The following TENM4 variants were observed in gnomAD, a reference collection of about 807,000 sequenced individuals.
TENM4 encodes teneurin-4.
A neutral mutation model predicts 243.3 loss-of-function variants in TENM4; 82 were observed. The ratio of observed to expected loss-of-function variants is 0.34; its 90% CI spans 0.28 to 0.40. The LOEUF (loss-of-function observed/expected upper bound fraction) is 0.40, where lower values mean the gene tolerates loss of function less well. Ranked by LOEUF, TENM4 falls within the 10% of genes least tolerant of loss-of-function variation. The pLI, the probability that TENM4 is intolerant of heterozygous loss-of-function variation, is 1.00. For synonymous variants in TENM4, 1,412 were observed against 1,456.3 expected (o/e 0.97, Z 0.69); for missense variants, 3,138 against 3,673.3 (o/e 0.85, Z 3.77).
chr11:78,901,233 A>T (rs556230633), intron 7 of TENM4, among the ~76,000 whole-genome samples: 2 of 152,352 alleles, frequency 1.3e-5, no homozygotes, highest in African/African-American at 2.4e-5. Context: ...AAATGGTGTT[A>T]TGTGAGTATA....
rs59269770 is a variant in TENM4 at position 78,708,969 on chromosome 11, C to CTT, written c.4055-456_4055-455dup. 8.6e-3 allele frequency among the ~76,000 whole-genome samples: 978 copies of CTT among 113,120 alleles called. 17 individuals are homozygous for CTT. Among genetic ancestry groups the CTT allele is most frequent in the African/African-American group, 0.026 (932 of 35,822 alleles). 74.2% of individuals were successfully genotyped at this position (113,120 alleles called of 152,430 possible). A position where few individuals can be genotyped will look rare whatever the true frequency, so the allele number is the denominator to read the frequency against. On this transcript the variant is annotated intron_variant, in intron 26 of 33. Transcript: ENST00000278550. Reference sequence around the variant, plus strand: ...ATTTTTCTTTTCTTTCTTTTTCTTTCTTTTTTTTTTTTTTTAAAAAAAGAG... The same window carrying CTT: ...ATTTTTCTTTTCTTTCTTTTTCTTTCTTTTTTTTTTTTTTTTTAAAAAAAGAG...
intron 2 of TENM4, among the ~76,000 whole-genome samples, chr11:79,243,142 G>A (rs1855453073): frequency 6.6e-6 from 1 of 152,052 alleles, no homozygotes; most frequent in Non-Finnish European, 1.5e-5. Flanking sequence ...CACTGAGGGG[G>A]GCCTTGTGTG....
At chr11:79,106,167 C>T (rs1861360660) in intron 4 of TENM4, among the ~76,000 whole-genome samples, 1 of 152,210 alleles carries the variant, frequency 6.6e-6, no homozygotes, top group Non-Finnish European at 1.5e-5. Context: ...ATTATTTGCT[C>T]CAAGTCACAG....
chr11:78,663,399 G>A (rs1464171486), intron 32 of TENM4, among the ~76,000 whole-genome samples: 1 of 152,182 alleles, frequency 6.6e-6, no homozygotes, highest in African/African-American at 2.4e-5. Flanking sequence ...ACTGTTGGAG[G>A]TGGCCTAATG....
At chr11:78,944,863 T>G (rs1384428475) in intron 6 of TENM4, among the ~76,000 whole-genome samples, 3 of 152,236 alleles carry the variant, frequency 2.0e-5, no homozygotes, top group Non-Finnish European at 4.4e-5. Context: ...CTAATCTGTC[T>G]GGGTCACTCT....
At chr11:79,098,080 A>G (rs903202912) in intron 4 of TENM4, 1 of 152,240 alleles carries the variant, frequency 6.6e-6, no homozygotes, top group African/African-American at 2.4e-5. Context: ...AGAACTAAGT[A>G]TAATCGTAAA....
chr11:78,928,938 C>A (rs1349599195), intron 6 of TENM4, among the ~76,000 whole-genome samples: 2 of 152,198 alleles, frequency 1.3e-5, no homozygotes, highest in African/African-American at 4.8e-5. Flanking sequence ...TTTGTGTCTG[C>A]ATCTTGCAGA....
At chr11:79,137,157 C>A (rs888012641) in intron 4 of TENM4, among the ~76,000 whole-genome samples, 4 of 152,112 alleles carry the variant, frequency 2.6e-5, no homozygotes, top group Admixed American at 6.6e-5. Flanking sequence ...GAGGGAGGAG[C>A]ACTGCTATCA....
chr11:78,902,316 T>C (rs1270668316), intron 7 of TENM4, among the ~76,000 whole-genome samples: 1 of 152,216 alleles, frequency 6.6e-6, no homozygotes, highest in African/African-American at 2.4e-5. Flanking sequence ...TTTAAAATCA[T>C]AAACAAACTT....
At chr11:78,858,871 T>C (rs1203038851) in intron 10 of TENM4, among the ~76,000 whole-genome samples, 1 of 152,200 alleles carries the variant, frequency 6.6e-6, no homozygotes, top group African/African-American at 2.4e-5. Flanking sequence ...GTATTACTAG[T>C]CATATTGGCT....
At position 78,878,700 on chromosome 11, in the gene TENM4, C is replaced by T. The variant is rs959225787; in HGVS notation, c.1084+11085G>A. Among the ~76,000 whole-genome samples, 4 of 152,094 alleles carry T rather than the reference C, an allele frequency of 2.6e-5. No homozygotes were observed. In the East Asian group the frequency reaches 5.8e-4, roughly 22 times the overall value. On this transcript the variant is annotated intron_variant, in intron 9 of 33. Coordinates refer to ENST00000278550, the MANE Select transcript of TENM4 (RefSeq NM_001098816.3). ...GGAAATTGGATACCTGGATGGGAGC[C>T]CTGAAGTTCAGTCCTACCCTTCTGA...
chr11:78,839,729 A>G (rs1434615420), intron 12 of TENM4, among the ~76,000 whole-genome samples: 2 of 152,222 alleles, frequency 1.3e-5, no homozygotes, highest in African/African-American at 4.8e-5. Context: ...ACCAGGAACC[A>G]TAATATTGAC....
chr11:78,886,527 C>T (rs949854397), intron 9 of TENM4, among the ~76,000 whole-genome samples: 1 of 152,212 alleles, frequency 6.6e-6, no homozygotes, highest in African/African-American at 2.4e-5. Context: ...TTGGCTTATA[C>T]CAAGCTCACA....
In TENM4 at chr11:78,732,430, A is replaced by T. The variant is rs199919921; in HGVS notation, c.3024T>A (p.Ile1008=). 3.1e-6 allele frequency: 5 copies of T among 1,613,896 alleles called. No homozygotes were observed. In the East Asian group the frequency reaches 1.1e-4, roughly 36 times the overall value. ...CAAAATTGCTCAGGTCACAGCTGGGAATCTCATTCTCCTCATGTCTCATGA... is the reference window on the plus strand; with the variant it reads ...CAAAATTGCTCAGGTCACAGCTGGGTATCTCATTCTCCTCATGTCTCATGA... ...TIIMRHEENE[I]PSCDLSNFAR... The change falls in exon 21 of 34, where the codon ATT becomes ATA. Residue 1008 remains isoleucine (I), a synonymous_variant. Coordinates refer to ENST00000278550, the MANE Select transcript of TENM4 (RefSeq NM_001098816.3).
chr11:79,382,188 C>T (rs879415378), intron 1 of TENM4, among the ~76,000 whole-genome samples: 2 of 152,144 alleles, frequency 1.3e-5, no homozygotes, highest in Non-Finnish European at 2.9e-5. Flanking sequence ...AAATGTAACT[C>T]GTCTGGCCGG....
At chr11:79,288,356 A>G (rs1173453686) in intron 2 of TENM4, among the ~76,000 whole-genome samples, 1 of 152,220 alleles carries the variant, frequency 6.6e-6, no homozygotes, top group Non-Finnish European at 1.5e-5. Context: ...CTAGCACTCT[A>G]TACTCTGTTC....
intron 23 of TENM4, among the ~76,000 whole-genome samples, chr11:78,724,702 G>A (rs1357894517): frequency 6.6e-6 from 1 of 152,198 alleles, no homozygotes; most frequent in Non-Finnish European, 1.5e-5. Flanking sequence ...TGACTGCCTG[G>A]AACAGACCAC....
rs538851458 is a variant in TENM4, at chr11:79,110,423, G to A, written c.-66+38287C>T. Reference sequence around the variant, plus strand: ...CACCCTGGGGACTCACAGCGCCCTGGGCACTGCAGGTGGACAGCTGCAGCC... The same window carrying A: ...CACCCTGGGGACTCACAGCGCCCTGAGCACTGCAGGTGGACAGCTGCAGCC... On this transcript the variant is annotated intron_variant, in intron 4 of 33. Coordinates refer to ENST00000278550, the MANE Select transcript of TENM4 (RefSeq NM_001098816.3). Among the ~76,000 whole-genome samples, 15 of 152,272 alleles carry A rather than the reference G, an allele frequency of 9.9e-5. No individual in the cohort carries two copies. In the South Asian group the frequency reaches 3.1e-3, roughly 32 times the overall value.
intron 23 of TENM4, among the ~76,000 whole-genome samples, chr11:78,725,133 T>C (rs145975738): frequency 1.3e-5 from 2 of 152,264 alleles, no homozygotes; most frequent in Non-Finnish European, 2.9e-5. Context: ...ACGGAATCAA[T>C]TTATCTGTTC....
Sources: allele counts gnomAD v4.1 joint callset (sites outside exome capture counted in the v4.1 genomes callset), GRCh38; gene constraint gnomAD v4.1.1; transcripts MANE v1.5; gene names NCBI Gene and HGNC (gene_info 2026-07-23, HGNC 2026-07-21).